MAGI1: variants seen among roughly 807,000 people sequenced by gnomAD.
The protein encoded by MAGI1 is membrane associated guanylate kinase, WW and PDZ domain containing 1.
A neutral mutation model predicts 139.9 loss-of-function variants in MAGI1; 58 were observed. The ratio of observed to expected loss-of-function variants is 0.41; its 90% CI spans 0.34 to 0.52. The LOEUF (loss-of-function observed/expected upper bound fraction) is 0.52. Among genes scored for constraint, MAGI1 ranks in the 20% least tolerant of loss-of-function variants. The probability of loss-of-function intolerance (pLI) is 0.12; values close to 1 mark genes in which losing one functional copy is unlikely to be tolerated. For missense variants in MAGI1, 1,874 were observed against 1,901.6 expected (o/e 0.99, Z 0.27); for synonymous variants, 812 against 737.9 (o/e 1.10, Z -1.63).
intron 1 of MAGI1, among the ~76,000 whole-genome samples, chr3:65,725,904 G>C (rs1036819621): frequency 6.6e-6 from 1 of 152,168 alleles, no homozygotes; most frequent in Non-Finnish European, 1.5e-5. Context: ...AAAAAAACTT[G>C]ATTCCAGGTA....
At chr3:65,656,747 C>A (rs571148475) in intron 1 of MAGI1, among the ~76,000 whole-genome samples, 1 of 151,850 alleles carries the variant, frequency 6.6e-6, no homozygotes, top group East Asian at 1.9e-4. Flanking sequence ...GCCTGTAATC[C>A]CAGCACTTTG....
intron 4 of MAGI1, among the ~76,000 whole-genome samples, chr3:65,476,911 C>G (rs1031948167): frequency 1.3e-5 from 2 of 152,128 alleles, no homozygotes; most frequent in Admixed American, 6.5e-5. Context: ...TACAAGGTGG[C>G]AAATTTCTTC....
At chr3:65,503,409 G>C (rs1002901464) in intron 2 of MAGI1, among the ~76,000 whole-genome samples, 4 of 152,176 alleles carry the variant, frequency 2.6e-5, no homozygotes, top group Non-Finnish European at 4.4e-5. Flanking sequence ...GCACCATTTT[G>C]AATAATGGGG....
chr3:65,597,027 A>T (rs756489205), intron 2 of MAGI1, among the ~76,000 whole-genome samples: 6 of 151,730 alleles, frequency 4.0e-5, no homozygotes, highest in Non-Finnish European at 5.9e-5. Flanking sequence ...CCAAAGTGCA[A>T]AGGCATTTGC....
chr3:65,812,439 C>CTT (rs1176394154), intron 1 of MAGI1, among the ~76,000 whole-genome samples: 25 of 136,096 alleles, frequency 1.8e-4, no homozygotes, highest in Admixed American at 1.5e-3. Flanking sequence ...AAATCTCTCT[C>CTT]TCTCTTTCTC....
intron 1 of MAGI1, 111 bp from the exon 2 acceptor site, chr3:65,622,199 C>T: frequency 3.9e-6 from 3 of 774,452 alleles, no homozygotes; most frequent in Admixed American, 1.8e-5. Context: ...TAGCCTGCCA[C>T]CCCTAGTCAT....
chr3:65,427,624 T>G (rs1657123093), intron 12 of MAGI1, among the ~76,000 whole-genome samples: 1 of 152,168 alleles, frequency 6.6e-6, no homozygotes, highest in Non-Finnish European at 1.5e-5. Context: ...AGCCTCAGTA[T>G]TAAGCAACTA....
chr3:65,530,741 G>GTATATATATATATA (rs1559642669), intron 2 of MAGI1, among the ~76,000 whole-genome samples: 3 of 103,038 alleles, frequency 2.9e-5, no homozygotes, highest in African/African-American at 1.2e-4. Context: ...ATATATATAT[G>GTATATATATATATA]CACATATATA....
At chr3:65,450,559 G>A (rs1281006969) in intron 6 of MAGI1, among the ~76,000 whole-genome samples, 2 of 152,148 alleles carry the variant, frequency 1.3e-5, no homozygotes, top group Non-Finnish European at 2.9e-5. Flanking sequence ...AAGATCATCA[G>A]TTTTAATGGT....
intron 1 of MAGI1, among the ~76,000 whole-genome samples, chr3:65,991,954 G>T (rs1213860070): frequency 6.6e-6 from 1 of 152,184 alleles, no homozygotes; most frequent in Non-Finnish European, 1.5e-5. Context: ...GGCAGAGGTT[G>T]CAGTGAGCCG....
chr3:65,445,664 C>T (rs1306690412), intron 7 of MAGI1, among the ~76,000 whole-genome samples: 1 of 152,162 alleles, frequency 6.6e-6, no homozygotes, highest in African/African-American at 2.4e-5. Flanking sequence ...AAAGAAGGTT[C>T]TGCAGGTGCT....
intron 2 of MAGI1, among the ~76,000 whole-genome samples, chr3:65,510,845 A>T (rs1407816899): frequency 2.0e-5 from 3 of 147,674 alleles, no homozygotes; most frequent in Non-Finnish European, 3.0e-5. Flanking sequence ...TCCAAGACAC[A>T]TAATTGTCAG....
intron 1 of MAGI1, among the ~76,000 whole-genome samples, chr3:65,633,264 G>C (rs978212460): frequency 6.6e-6 from 1 of 152,118 alleles, no homozygotes; most frequent in Non-Finnish European, 1.5e-5. Flanking sequence ...CATGACTCCA[G>C]ACACGGGGTA....
intron 2 of MAGI1, among the ~76,000 whole-genome samples, chr3:65,520,830 C>A (rs117479983): frequency 6.6e-6 from 1 of 152,140 alleles, no homozygotes; most frequent in Non-Finnish European, 1.5e-5. Flanking sequence ...AGAAGCCTTT[C>A]GTGACTTATA....
chr3:65,440,790 T>C (rs1948236018), intron 8 of MAGI1, among the ~76,000 whole-genome samples: 2 of 151,258 alleles, frequency 1.3e-5, no homozygotes, highest in East Asian at 2.0e-4. Flanking sequence ...ATTATATATA[T>C]ACACATATAT....
At chr3:65,709,426 T>C (rs1332801852) in intron 1 of MAGI1, among the ~76,000 whole-genome samples, 1 of 152,218 alleles carries the variant, frequency 6.6e-6, no homozygotes, top group Non-Finnish European at 1.5e-5. Flanking sequence ...GTGAGTTGAC[T>C]CACCTACCTC....
chr3:65,867,365 G>A (rs1402534866), intron 1 of MAGI1, among the ~76,000 whole-genome samples: 1 of 152,176 alleles, frequency 6.6e-6, no homozygotes, highest in Admixed American at 6.5e-5. Flanking sequence ...TCAATCAACT[G>A]TAGAACAATT....
Position 65,686,492 on chromosome 3 carries a change from C to A in MAGI1, c.314-64404G>T, listed in dbSNP as rs148309567. On this transcript the variant is annotated intron_variant, in intron 1 of 22. Coordinates refer to ENST00000402939, the MANE Select transcript of MAGI1 (RefSeq NM_001033057.2). ...ATTTTTAGTAGAGACAGGTTTTCAC[C>A]GTGTTAGCCAGGATGGTCTCGATCT... Among the ~76,000 whole-genome samples the A allele has an allele frequency of 8.2e-3, 1,249 of 152,160 alleles. 20 individuals carry two copies. Among genetic ancestry groups the A allele is most frequent in the African/African-American group, 0.029 (1,185 of 41,504 alleles).
At position 65,963,682 on chromosome 3, in the gene MAGI1, A is replaced by G. The variant is rs113456804; in HGVS notation, c.313+74314T>C. The stretch of plus-strand genomic sequence containing the variant: ...GATGGGCAGTTTGTAACTTTTCTAT[A>G]ATAATTCTTATATGATTTTAAAAGG... On this transcript the variant is annotated intron_variant, in intron 1 of 22. Transcript: ENST00000402939. Among the ~76,000 whole-genome samples, 1,439 of 152,282 alleles carry G rather than the reference A, an allele frequency of 9.4e-3. 20 individuals are homozygous for G. The highest frequency in any genetic ancestry group is 0.033 in the African/African-American group (1,357 of 41,564).
Sources: allele counts gnomAD v4.1 joint callset (sites outside exome capture counted in the v4.1 genomes callset), GRCh38; gene constraint gnomAD v4.1.1; transcripts MANE v1.5; gene names NCBI Gene and HGNC (gene_info 2026-07-23, HGNC 2026-07-21).